The following SLC24A2 variants were observed in gnomAD, a reference collection of about 807,000 sequenced individuals.
SLC24A2 encodes the protein solute carrier family 24 member 2.
A neutral mutation model predicts 62.0 loss-of-function variants in SLC24A2; 36 were observed. The observed-to-expected ratio is 0.58, with a 90% CI of 0.44 to 0.77. SLC24A2 has a LOEUF of 0.77. Ranked by LOEUF, SLC24A2 falls within the 30% of genes least tolerant of loss-of-function variation. The probability of loss-of-function intolerance (pLI) is 0.00; values close to 1 mark genes in which losing one functional copy is unlikely to be tolerated. For missense variants in SLC24A2, 846 were observed against 817.9 expected (o/e 1.03, Z -0.42); for synonymous variants, 358 against 294.0 (o/e 1.22, Z -2.23).
At chr9:19,961,469 G>C in the SLC24A2 span, among the ~76,000 whole-genome samples, 3 of 151,986 alleles carry the variant, frequency 2.0e-5, no homozygotes, top group African/African-American at 7.2e-5. Flanking sequence ...ATAAAGGAAA[G>C]AACTCTACAT....
intron 5 of SLC24A2, among the ~76,000 whole-genome samples, chr9:19,596,313 T>C (rs965008255): frequency 1.8e-4 from 27 of 152,326 alleles, no homozygotes; most frequent in African/African-American, 5.8e-4. Context: ...GATTCCTCTG[T>C]GAGGGTACCT....
the SLC24A2 span, among the ~76,000 whole-genome samples, chr9:20,260,144 G>T: frequency 1.3e-5 from 2 of 152,260 alleles, no homozygotes; most frequent in African/African-American, 2.4e-5. Context: ...GACCACGAGG[G>T]CTCCAACTTC....
chr9:19,864,465 C>G, the SLC24A2 span, among the ~76,000 whole-genome samples: 1 of 151,862 alleles, frequency 6.6e-6, no homozygotes, highest in Admixed American at 6.6e-5. Context: ...ATTAGAAAAA[C>G]AAATTCAAAT....
chr9:20,271,353 T>C, the SLC24A2 span, among the ~76,000 whole-genome samples: 3 of 152,268 alleles, frequency 2.0e-5, no homozygotes, highest in Admixed American at 6.5e-5. Context: ...ACCCAGAATA[T>C]GCTCTCCTGC....
At chr9:19,611,748 C>A (rs1393069256) in intron 4 of SLC24A2, among the ~76,000 whole-genome samples, 1 of 152,012 alleles carries the variant, frequency 6.6e-6, no homozygotes, top group Non-Finnish European at 1.5e-5. Flanking sequence ...CCATCTCTTC[C>A]CTATAAATTG....
At chr9:19,666,316 G>C (rs1819251780) in intron 2 of SLC24A2, among the ~76,000 whole-genome samples, 1 of 152,162 alleles carries the variant, frequency 6.6e-6, no homozygotes, top group African/African-American at 2.4e-5. Context: ...TGAGGTGGAA[G>C]GATCACCTGA....
the SLC24A2 span, among the ~76,000 whole-genome samples, chr9:20,046,384 C>G: frequency 2.0e-5 from 3 of 152,238 alleles, no homozygotes; most frequent in African/African-American, 7.2e-5. Context: ...AGTAAGGAAG[C>G]ACTTAGGCAG....
chr9:19,757,772 G>T (rs1190340335), intron 2 of SLC24A2, among the ~76,000 whole-genome samples: 1 of 152,118 alleles, frequency 6.6e-6, no homozygotes, highest in Admixed American at 6.5e-5. Context: ...GGGTCTAGTG[G>T]GAGGTGTTTG....
chr9:20,071,705 C>T, the SLC24A2 span, among the ~76,000 whole-genome samples: 1 of 151,994 alleles, frequency 6.6e-6, no homozygotes, highest in Non-Finnish European at 1.5e-5. Flanking sequence ...GGAACCAAGC[C>T]CCCAACCTGT....
At chr9:20,269,924 T>A in the SLC24A2 span, among the ~76,000 whole-genome samples, 1 of 152,200 alleles carries the variant, frequency 6.6e-6, no homozygotes. Context: ...AGAGGCTTAT[T>A]TAGCTCACAG....
chr9:20,041,150 A>ACGCGTGCG, the SLC24A2 span, among the ~76,000 whole-genome samples: 860 of 152,174 alleles, frequency 5.7e-3, 4 homozygotes, highest in African/African-American at 0.019. Context: ...GCGTGTGTGT[A>ACGCGTGCG]CGCGTGCGCG....
the SLC24A2 span, among the ~76,000 whole-genome samples, chr9:20,022,907 C>A: frequency 1.3e-5 from 2 of 152,140 alleles, no homozygotes; most frequent in African/African-American, 4.8e-5. Flanking sequence ...ATGTTCACCA[C>A]ATTAATGTAT....
intron 2 of SLC24A2, among the ~76,000 whole-genome samples, chr9:19,696,376 A>G (rs937894107): frequency 1.3e-5 from 2 of 152,164 alleles, no homozygotes; most frequent in African/African-American, 4.8e-5. Flanking sequence ...CAGACTCAAC[A>G]TGGGAAAAAC....
the SLC24A2 span, among the ~76,000 whole-genome samples, chr9:20,091,737 T>C: frequency 6.6e-6 from 1 of 152,144 alleles, no homozygotes. Context: ...GAAGGACCAT[T>C]ACTAGCCAAT....
chr9:19,958,827 G>C, the SLC24A2 span, among the ~76,000 whole-genome samples: 3 of 152,158 alleles, frequency 2.0e-5, no homozygotes. Context: ...AAAAATTACT[G>C]TTTGTGACTT....
the SLC24A2 span, among the ~76,000 whole-genome samples, chr9:19,841,437 C>T: frequency 1.3e-5 from 2 of 152,122 alleles, no homozygotes; most frequent in African/African-American, 4.8e-5. Context: ...ACCCTTCAGG[C>T]AGACACATAC....
chr9:19,855,558 G>A, the SLC24A2 span, among the ~76,000 whole-genome samples: 20 of 152,148 alleles, frequency 1.3e-4, no homozygotes, highest in Admixed American at 3.9e-4. Flanking sequence ...AGCTTAGTTT[G>A]GCCAGATATG....
intron 2 of SLC24A2, among the ~76,000 whole-genome samples, chr9:19,708,004 C>A (rs1018513254): frequency 1.3e-5 from 2 of 152,176 alleles, no homozygotes; most frequent in Non-Finnish European, 2.9e-5. Context: ...ATCTATAAAA[C>A]CCCATTGTCT....
intron 2 of SLC24A2, among the ~76,000 whole-genome samples, chr9:19,644,254 TAA>T (rs1168225628): frequency 6.6e-6 from 1 of 152,162 alleles, no homozygotes; most frequent in Non-Finnish European, 1.5e-5. Flanking sequence ...AGCCAATAAA[TAA>T]AGTTATTAGG....
Sources: gnomAD v4.1 joint callset for allele counts (sites outside exome capture counted in the v4.1 genomes callset) on GRCh38, gnomAD v4.1.1 for gene constraint, MANE v1.5 for transcripts, NCBI Gene and HGNC (gene_info 2026-07-23, HGNC 2026-07-21) for gene names.